C6orf118: variants seen among roughly 807,000 people sequenced by gnomAD.
C6orf118 encodes the protein uncharacterized protein C6orf118.
C6orf118 carries 50 observed loss-of-function variants against 50.2 expected under a neutral mutation model. The observed-to-expected ratio is 1.00, with a 90% CI of 0.79 to 1.26. C6orf118 has a LOEUF of 1.26. C6orf118 is among the 50% of genes most tolerant of loss of function. The pLI, the probability that C6orf118 is intolerant of heterozygous loss-of-function variation, is 0.00. For missense variants in C6orf118, 641 were observed against 578.7 expected (o/e 1.11, Z -1.10); for synonymous variants, 239 against 230.9 (o/e 1.03, Z -0.32).
chr6:165,281,582 A>G, intron 8 of C6orf118, 58 bp downstream of exon 8: 2 of 1,477,016 alleles, frequency 1.4e-6, no homozygotes, highest in Admixed American at 2.7e-5. Context: ...ACACAGGACA[A>G]GCAGTCACCA....
At chr6:165,307,588 C>T (rs1780790156) in intron 1 of C6orf118, among the ~76,000 whole-genome samples, 1 of 152,034 alleles carries the variant, frequency 6.6e-6, no homozygotes, top group Non-Finnish European at 1.5e-5. Flanking sequence ...AATCACTGTC[C>T]CATGTTGTCA....
intron 5 of C6orf118, among the ~76,000 whole-genome samples, chr6:165,294,868 G>A (rs1476712503): frequency 6.6e-6 from 1 of 152,170 alleles, no homozygotes; most frequent in African/African-American, 2.4e-5. Context: ...GGGCAACAGA[G>A]CAAGACCCTG....
chr6:165,304,646 A>C (rs1219973911), intron 1 of C6orf118, among the ~76,000 whole-genome samples: 2 of 25,302 alleles, frequency 7.9e-5, no homozygotes, highest in Non-Finnish European at 1.3e-4. Flanking sequence ...AAATCAATGT[A>C]CAAAAATCAC....
rs372557658 is a variant in C6orf118 at position 165,302,133 on chromosome 6, G to A, written c.189C>T (p.His63=). The A allele has an allele frequency of 4.3e-6, 7 of 1,613,448 alleles. No homozygotes were observed. The highest frequency in any genetic ancestry group is 2.7e-5 in the African/African-American group (2 of 74,474). The change falls in exon 2 of 9, where the codon CAC becomes CAT. Residue 63 remains histidine, a synonymous_variant. Transcript: ENST00000230301. ...GCTGGTAGAGCTTGTTGGGGTTCAG[G>A]TGTCCAGAGATGTAGAGGTAGACGT... ...REDVYLYISG[H]LNPNKLYQPP...
intron 5 of C6orf118, 129 bp from the exon 6 acceptor site, chr6:165,293,600 A>C (rs1780183570): frequency 1.5e-6 from 1 of 647,176 alleles, no homozygotes; most frequent in African/African-American, 1.8e-5. Flanking sequence ...TTAACACGAC[A>C]GATACTCTGA....
At position 165,286,525 on chromosome 6, in the gene C6orf118, G is replaced by A. The variant is rs560092783; in HGVS notation, c.1302+3361C>T. On this transcript the variant is annotated intron_variant, in intron 7 of 8. Transcript: ENST00000230301. ...TCTGATGAACATTGATGCAAAAATC[G>A]TCAATAAAATACTGGCAAACCGAAT... 2.1e-4 allele frequency among the ~76,000 whole-genome samples: 32 copies of A among 152,102 alleles called. 1 individual carries two copies. The South Asian group carries it at 4.8e-3, about 23-fold the overall frequency.
At chr6:165,307,569 A>G (rs73788330) in intron 1 of C6orf118, among the ~76,000 whole-genome samples, 1 of 148,776 alleles carries the variant, frequency 6.7e-6, no homozygotes, top group East Asian at 1.9e-4. Context: ...AAAAAAAAAA[A>G]TTTTTTTTAA....
rs202221253 is a variant in C6orf118 at position 165,299,434 on chromosome 6, G to A, written c.936+9C>T. On this transcript the variant is annotated intron_variant, in intron 4 of 8. Transcript: ENST00000230301. ...GGCTCTATTCAGGCTCTTTGTGATC[G>A]ATCGTCACCTCGTACTGTGCTGCAG... The A allele has an allele frequency of 1.1e-5, 17 of 1,613,278 alleles. No homozygotes were observed. Among genetic ancestry groups the A allele is most frequent in the East Asian group, 6.7e-5 (3 of 44,850 alleles).
intron 7 of C6orf118, among the ~76,000 whole-genome samples, chr6:165,282,295 A>G (rs942449568): frequency 6.6e-6 from 1 of 152,178 alleles, no homozygotes; most frequent in African/African-American, 2.4e-5. Context: ...AAATTAATCA[A>G]TAGTGTTAAT....
At position 165,280,087 on chromosome 6, in the gene C6orf118, T is replaced by G. The variant is rs773473724; in HGVS notation, c.1380A>C (p.Gly460=). ...KIKGPLEIYQ[G]ICKIRGNRR ...TTCTGTTTCCTCTGATTTTACAAAT[T>G]CCTTGATAAATTTCCAAAGGCCCCT... The change falls in exon 9 of 9, where the codon GGA becomes GGC. Residue 460 remains glycine, a synonymous_variant. Coordinates refer to ENST00000230301, the MANE Select transcript of C6orf118 (RefSeq NM_144980.4). 5.0e-6 allele frequency: 8 copies of G among 1,608,604 alleles called. No homozygotes were observed. The highest frequency in any genetic ancestry group is 1.7e-5 in the Admixed American group (1 of 58,776).
chr6:165,281,659 AT>A lies in C6orf118; in HGVS notation c.1336del (p.Ile446PhefsTer2). 1 of 1,499,440 alleles carries A rather than the reference AT, an allele frequency of 6.7e-7. No individual in the cohort carries two copies. Among genetic ancestry groups the A allele is most frequent in the Non-Finnish European group, 8.9e-7 (1 of 1,119,130 alleles). 92.9% of individuals were successfully genotyped at this position (1,499,440 alleles called of 1,614,324 possible). ...ACTTACTTTTATTTTCTTCTTTAAAATCATATTTTCTGTTTCCAATTGTATA... is the reference window on the plus strand; with the variant it reads ...ACTTACTTTTATTTTCTTCTTTAAAACATATTTTCTGTTTCCAATTGTATA... ...EAIQLETENM[I>X]LKKKIKGPLE... On this transcript the variant is annotated frameshift_variant, in exon 8 of 9. Coordinates refer to ENST00000230301, the MANE Select transcript of C6orf118 (RefSeq NM_144980.4). LOFTEE classifies it low-confidence loss of function (END_TRUNC).
intron 7 of C6orf118, among the ~76,000 whole-genome samples, chr6:165,287,804 C>G (rs371371226): frequency 6.6e-6 from 1 of 151,934 alleles, no homozygotes; most frequent in East Asian, 1.9e-4. Flanking sequence ...TAAATGCTTA[C>G]ATGTAAAACC....
intron 5 of C6orf118, among the ~76,000 whole-genome samples, chr6:165,295,358 A>AAATG (rs1424511075): frequency 6.6e-6 from 1 of 152,106 alleles, no homozygotes; most frequent in African/African-American, 2.4e-5. Flanking sequence ...TCATGTCCTG[A>AAATG]AATGCTCTTT....
chr6:165,295,671 T>G (rs886799518), intron 5 of C6orf118, among the ~76,000 whole-genome samples: 1 of 152,082 alleles, frequency 6.6e-6, no homozygotes, highest in Non-Finnish European at 1.5e-5. Flanking sequence ...CGGTGTTGTT[T>G]TGATTTCCTT....
intron 3 of C6orf118, 120 bp downstream of exon 3, chr6:165,300,244 C>G (rs1780467595): frequency 1.7e-6 from 2 of 1,200,584 alleles, no homozygotes; most frequent in Admixed American, 2.1e-5. Flanking sequence ...GTGATGGTCC[C>G]TGTCTGTAGA....
chr6:165,281,894 A>C (rs1403170723), intron 7 of C6orf118: 6 of 320,880 alleles, frequency 1.9e-5, no homozygotes, highest in Admixed American at 1.0e-4. Flanking sequence ...TCCCGGTAAA[A>C]AACTAGGAGA....
At position 165,289,902 on chromosome 6, in the gene C6orf118, C is replaced by T. The variant is rs753345868; in HGVS notation, c.1286G>A (p.Arg429Lys). 26 of 1,599,236 alleles carry T rather than the reference C, an allele frequency of 1.6e-5. No homozygotes were observed. Among genetic ancestry groups the T allele is most frequent in the Non-Finnish European group, 2.1e-5 (25 of 1,174,696 alleles). ...GTTGCGTACCTCTATGCTTTTAATC[C>T]TATTCTCAGTGATATCTGAAATTCC... ...HTGISDITEN[R>K]IKSIEHEAIQ... is the part of the protein sequence containing the mutation. Residue 429 changes from arginine (R) to lysine (K), a missense_variant, in exon 7 of 9, where the codon AGG (arginine) becomes AAG (lysine). Arg to Lys is a conservative substitution (Grantham distance 26). Transcript: ENST00000230301.
chr6:165,298,891 G>A (rs952530994), intron 4 of C6orf118, among the ~76,000 whole-genome samples: 11 of 152,324 alleles, frequency 7.2e-5, no homozygotes, highest in Non-Finnish European at 1.3e-4. Flanking sequence ...AATCTTTAAA[G>A]TGTATTGAAT....
Position 165,303,309 on chromosome 6 carries a change from G to A in C6orf118, c.26-1013C>T, listed in dbSNP as rs547474023. On this transcript the variant is annotated intron_variant, in intron 1 of 8. Coordinates refer to ENST00000230301, the MANE Select transcript of C6orf118 (RefSeq NM_144980.4). Reference sequence around the variant, plus strand: ...CACCACATACCAGAATCTCTGGGACGCATTCAAAGCAGTGTGTAGAGGGAA... The same window carrying A: ...CACCACATACCAGAATCTCTGGGACACATTCAAAGCAGTGTGTAGAGGGAA... Among the ~76,000 whole-genome samples, 17 of 152,078 alleles carry A rather than the reference G, an allele frequency of 1.1e-4. 1 individual carries two copies. Among genetic ancestry groups the A allele is most frequent in the Admixed American group, 5.9e-4 (9 of 15,258 alleles).
Sources: gnomAD v4.1 joint callset for allele counts (sites outside exome capture counted in the v4.1 genomes callset) on GRCh38, gnomAD v4.1.1 for gene constraint, MANE v1.5 for transcripts, NCBI Gene and HGNC (gene_info 2026-07-23, HGNC 2026-07-21) for gene names.